PCDH15: variants seen among roughly 807,000 people sequenced by gnomAD.
The protein encoded by PCDH15 is protocadherin related 15.
Under a neutral mutation model 178.5 loss-of-function variants are expected in PCDH15, and 129 were observed. The observed-to-expected ratio is 0.72, with a 90% CI of 0.63 to 0.84. The LOEUF is 0.84. PCDH15 is among the 40% of genes least tolerant of loss of function. The probability of loss-of-function intolerance (pLI) is 0.00; values close to 1 mark genes in which losing one functional copy is unlikely to be tolerated. For synonymous variants in PCDH15, 800 were observed against 732.0 expected (o/e 1.09, Z -1.50); for missense variants, 2,230 against 2,099.9 (o/e 1.06, Z -1.21).
chr10:53,816,976 C>T (rs965469548), intron 34 of PCDH15, among the ~76,000 whole-genome samples: 1 of 152,020 alleles, frequency 6.6e-6, no homozygotes, highest in South Asian at 2.1e-4. Flanking sequence ...CAGATAAAAA[C>T]AAGATACACA....
At chr10:55,471,491 A>C (rs1421924369) in intron 2 of PCDH15, among the ~76,000 whole-genome samples, 1 of 152,178 alleles carries the variant, frequency 6.6e-6, no homozygotes, top group East Asian at 1.9e-4. Flanking sequence ...AAGAGTTTTC[A>C]TTATATTATT....
intron 3 of PCDH15, among the ~76,000 whole-genome samples, chr10:54,846,306 T>C (rs115332384): frequency 2.0e-5 from 3 of 152,082 alleles, no homozygotes; most frequent in African/African-American, 7.2e-5. Context: ...TAGAAAAAAA[T>C]TTTTTAGGTC....
chr10:55,040,236 A>T (rs1336447203), intron 2 of PCDH15, among the ~76,000 whole-genome samples: 5 of 152,062 alleles, frequency 3.3e-5, no homozygotes, highest in Non-Finnish European at 7.4e-5. Context: ...AATGGCAGCA[A>T]TAGGAATTTC....
chr10:55,376,419 T>C (rs1171957354), intron 2 of PCDH15, among the ~76,000 whole-genome samples: 1 of 152,076 alleles, frequency 6.6e-6, no homozygotes, highest in African/African-American at 2.4e-5. Context: ...ATATCATTAT[T>C]TTTGGCTTCT....
At chr10:54,702,249 T>C (rs947294249) in intron 1 of PCDH15, among the ~76,000 whole-genome samples, 1 of 151,924 alleles carries the variant, frequency 6.6e-6, no homozygotes, top group Non-Finnish European at 1.5e-5. Flanking sequence ...AAGGAATTAT[T>C]TGAAATGAAT....
chr10:54,708,643 T>C (rs1313874563), intron 1 of PCDH15, among the ~76,000 whole-genome samples: 1 of 152,140 alleles, frequency 6.6e-6, no homozygotes, highest in Non-Finnish European at 1.5e-5. Flanking sequence ...AGTATCTAGA[T>C]TATTTCTCAG....
chr10:54,008,314 C>T (rs1589881999), intron 20 of PCDH15, among the ~76,000 whole-genome samples: 2 of 152,148 alleles, frequency 1.3e-5, no homozygotes, highest in East Asian at 1.9e-4. Context: ...TGATACAACA[C>T]GAATTAAACC....
intron 9 of PCDH15, among the ~76,000 whole-genome samples, chr10:54,215,005 G>T (rs2051855511): frequency 6.6e-6 from 1 of 152,078 alleles, no homozygotes; most frequent in African/African-American, 2.4e-5. Context: ...CCAAAATGAA[G>T]AAGTCAAATC....
At chr10:55,089,325 T>A (rs965639317) in intron 2 of PCDH15, among the ~76,000 whole-genome samples, 5 of 152,146 alleles carry the variant, frequency 3.3e-5, no homozygotes, top group Admixed American at 3.3e-4. Flanking sequence ...CTTGTTATCA[T>A]CTTGCAATAG....
intron 2 of PCDH15, among the ~76,000 whole-genome samples, chr10:55,491,485 G>A (rs995590325): frequency 7.9e-5 from 12 of 151,488 alleles, no homozygotes; most frequent in African/African-American, 2.7e-4. Context: ...AGAACTGCAG[G>A]GACTGCCACC....
intron 2 of PCDH15, among the ~76,000 whole-genome samples, chr10:55,068,793 G>C (rs185464887): frequency 4.6e-5 from 7 of 151,696 alleles, no homozygotes; most frequent in South Asian, 4.2e-4. Context: ...GTGCGTGCAC[G>C]TGTGTGTGTT....
Position 54,622,671 on chromosome 10 carries a change from TATATA to T in PCDH15, c.91+41496_91+41500del, listed in dbSNP as rs1565777306. 7.6e-3 allele frequency among the ~76,000 whole-genome samples: 738 copies of T among 96,952 alleles called. 19 individuals carry two copies. The highest frequency in any genetic ancestry group is 0.03 in the African/African-American group (691 of 23,108). 63.6% of individuals were successfully genotyped at this position (96,952 alleles called of 152,430 possible). ...TATATATACTATATAATATATATTATATATAATATATATTATATAATATATATTTT... is the reference window on the plus strand; with the variant it reads ...TATATATACTATATAATATATATTATATATATATTATATAATATATATTTT... On this transcript the variant is annotated intron_variant, in intron 2 of 37. Transcript: ENST00000644397.
At chr10:53,967,883 T>C (rs1456919692) in intron 21 of PCDH15, among the ~76,000 whole-genome samples, 5 of 152,096 alleles carry the variant, frequency 3.3e-5, no homozygotes, top group Non-Finnish European at 7.4e-5. Context: ...TACAAGTAAA[T>C]CAATATTTGG....
At chr10:54,405,370 CA>C (rs2135538911) in intron 3 of PCDH15, among the ~76,000 whole-genome samples, 1 of 152,166 alleles carries the variant, frequency 6.6e-6, no homozygotes, top group South Asian at 2.1e-4. Context: ...AGGATGAGAT[CA>C]TGTCTTTTGC....
At chr10:54,762,040 G>C (rs757565829) in intron 1 of PCDH15, among the ~76,000 whole-genome samples, 13 of 151,996 alleles carry the variant, frequency 8.6e-5, no homozygotes, top group Admixed American at 3.3e-4. Flanking sequence ...CATGGTTAGA[G>C]GACCATTCTC....
intron 3 of PCDH15, among the ~76,000 whole-genome samples, chr10:54,483,314 T>A (rs2078854221): frequency 6.6e-6 from 1 of 151,844 alleles, no homozygotes. Flanking sequence ...TCAGCAATTA[T>A]GTTATGAGCA....
chr10:55,343,091 T>G (rs1173906585), intron 2 of PCDH15, among the ~76,000 whole-genome samples: 1 of 152,190 alleles, frequency 6.6e-6, no homozygotes, highest in Admixed American at 6.5e-5. Context: ...ACAAAGTATC[T>G]TCCTGGACTT....
At chr10:54,446,909 A>G (rs1449048531) in intron 3 of PCDH15, among the ~76,000 whole-genome samples, 1 of 151,604 alleles carries the variant, frequency 6.6e-6, no homozygotes, top group Non-Finnish European at 1.5e-5. Flanking sequence ...AAGAATGCCT[A>G]TAAGATTGTT....
intron 1 of PCDH15, among the ~76,000 whole-genome samples, chr10:55,215,961 G>T (rs1840691330): frequency 6.6e-6 from 1 of 151,966 alleles, no homozygotes; most frequent in Non-Finnish European, 1.5e-5. Context: ...AAAGCATTAA[G>T]AAGAGATATT....
Sources: allele counts gnomAD v4.1 joint callset (sites outside exome capture counted in the v4.1 genomes callset), GRCh38; gene constraint gnomAD v4.1.1; transcripts MANE v1.5; gene names NCBI Gene and HGNC (gene_info 2026-07-23, HGNC 2026-07-21).